The following SCNN1G variants were observed in gnomAD, a reference collection of about 807,000 sequenced individuals.
SCNN1G encodes sodium channel epithelial 1 subunit gamma, also known as epithelial sodium channel subunit gamma.
SCNN1G carries 27 observed loss-of-function variants against 64.6 expected under a neutral mutation model. That is an observed-to-expected ratio of 0.42 (90% CI 0.31 to 0.58). SCNN1G has a LOEUF of 0.58. Ranked by LOEUF, SCNN1G falls within the 20% of genes least tolerant of loss-of-function variation. The probability of loss-of-function intolerance (pLI) is 0.18; values close to 1 mark genes in which losing one functional copy is unlikely to be tolerated. For missense variants in SCNN1G, 743 were observed against 823.4 expected, an observed-to-expected ratio of 0.90 and a Z score of 1.19; for synonymous variants, 330 against 314.2, an observed-to-expected ratio of 1.05 and a Z score of -0.53.
intron 11 of SCNN1G, 29 bp downstream of exon 11, chr16:23,213,192 C>T: frequency 6.5e-7 from 1 of 1,541,538 alleles, no homozygotes; most frequent in Non-Finnish European, 9.0e-7. Flanking sequence ...GTTCCTCTGT[C>T]TCTTCCCACC....
chr16:23,183,945 A>G (rs980477884), intron 1 of SCNN1G, among the ~76,000 whole-genome samples: 1 of 152,142 alleles, frequency 6.6e-6, no homozygotes, highest in Non-Finnish European at 1.5e-5. Flanking sequence ...TTTCATTTGT[A>G]CAATGGAGGT....
In SCNN1G at chr16:23,189,457, G is replaced by T. The variant is rs775500246; in HGVS notation, c.404G>T (p.Arg135Leu). Residue 135 changes from arginine (R) to leucine (L), a missense_variant, in exon 3 of 13, where the codon CGG becomes CTG. Physicochemically the swap from Arg to Leu is moderately radical, Grantham distance 102 (BLOSUM62 -2). Coordinates refer to ENST00000300061, the MANE Select transcript of SCNN1G (RefSeq NM_001039.4). ...LKSLYGFPES[R>L]KRREAESWNS... The stretch of plus-strand genomic sequence containing the variant: ...TCCCTGTATGGCTTTCCAGAGTCCC[G>T]GAAGCGCCGAGAGGCGGAGTCCTGG... The T allele has an allele frequency of 6.2e-7, 1 of 1,614,150 alleles. No individual in the cohort carries two copies. Among genetic ancestry groups the T allele is most frequent in the South Asian group, 1.1e-5 (1 of 91,080 alleles).
chr16:23,190,134 C>T (rs113671684), intron 3 of SCNN1G, among the ~76,000 whole-genome samples: 3,072 of 151,696 alleles, frequency 0.02, 62 homozygotes, highest in African/African-American at 0.051. Flanking sequence ...CTAATGCATG[C>T]GGGGCTTAAA....
chr16:23,208,361 CA>C (rs1296093317), intron 6 of SCNN1G, among the ~76,000 whole-genome samples: 2 of 151,428 alleles, frequency 1.3e-5, no homozygotes, highest in African/African-American at 2.4e-5. Context: ...AAAAAAAAAG[CA>C]AAAAAAATTA....
At chr16:23,193,000 C>A (rs1319870156) in intron 4 of SCNN1G, among the ~76,000 whole-genome samples, 1 of 130,822 alleles carries the variant, frequency 7.6e-6, no homozygotes, top group Admixed American at 8.9e-5. Context: ...ACCCGGGAGG[C>A]GGAGGTTGCA....
intron 6 of SCNN1G, among the ~76,000 whole-genome samples, chr16:23,202,426 C>T (rs1959907970): frequency 6.6e-6 from 1 of 152,008 alleles, no homozygotes; most frequent in African/African-American, 2.4e-5. Flanking sequence ...ACAGAAGCTA[C>T]TGGAGAAGGC....
chr16:23,186,428 C>G lies in SCNN1G; in HGVS notation c.157C>G (p.Arg53Gly). ...RIVVSRGRLR[R>G]LLWIGFTLTA... is the part of the protein sequence containing the mutation. ...CGTGGTGTCCCGCGGCCGTCTGCGC[C>G]GCCTCCTCTGGATCGGGTTCACACT... The change falls in exon 2 of 13, where the codon CGC (arginine) becomes GGC (glycine). Residue 53 changes from arginine (R) to glycine (G), a missense_variant. Arg to Gly is a moderately radical substitution (Grantham distance 125). Coordinates refer to ENST00000300061, the MANE Select transcript of SCNN1G (RefSeq NM_001039.4). 1 of 1,614,226 alleles carries G rather than the reference C, an allele frequency of 6.2e-7. No homozygotes were observed. Among genetic ancestry groups the G allele is most frequent in the Non-Finnish European group, 8.5e-7 (1 of 1,180,050 alleles).
intron 2 of SCNN1G, among the ~76,000 whole-genome samples, chr16:23,187,505 C>T (rs574709125): frequency 5.9e-5 from 9 of 152,104 alleles, no homozygotes; most frequent in Admixed American, 1.3e-4. Flanking sequence ...CGAACTAACC[C>T]CCTCTGCACA....
At chr16:23,202,869 G>A (rs546668464) in intron 6 of SCNN1G, among the ~76,000 whole-genome samples, 6 of 152,294 alleles carry the variant, frequency 3.9e-5, no homozygotes, top group Non-Finnish European at 5.9e-5. Flanking sequence ...TGACCACTTC[G>A]ATTTGGGACA....
chr16:23,206,135 C>G (rs1249708501), intron 6 of SCNN1G, among the ~76,000 whole-genome samples: 1 of 139,496 alleles, frequency 7.2e-6, no homozygotes, highest in African/African-American at 2.6e-5. Flanking sequence ...ACAGAATTTG[C>G]AAACCTCTAA....
intron 6 of SCNN1G, among the ~76,000 whole-genome samples, chr16:23,205,001 C>T (rs1409779676): frequency 2.0e-5 from 3 of 152,156 alleles, no homozygotes. Context: ...TTAGTAGAGA[C>T]GGGGTTTCGC....
At position 23,194,255 on chromosome 16, in the gene SCNN1G, C is replaced by A. The variant is rs1267519117; in HGVS notation, c.894C>A (p.Ser298=). Residue 298 remains serine, a synonymous_variant, in exon 5 of 13, where the codon TCC becomes TCA. Transcript: ENST00000300061. ...AAAATGAGACCATTCTCAGCACCTCCATGGGGGGCAGCGAATATGGTAAGG... is the reference window on the plus strand; with the variant it reads ...AAAATGAGACCATTCTCAGCACCTCAATGGGGGGCAGCGAATATGGTAAGG... ...NRENETILST[S]MGGSEYGLQV... 6.2e-7 allele frequency: 1 copy of A among 1,611,070 alleles called. No homozygotes were observed. The highest frequency in any genetic ancestry group is 8.5e-7 in the Non-Finnish European group (1 of 1,177,260).
chr16:23,207,385 T>C (rs913251533), intron 6 of SCNN1G, among the ~76,000 whole-genome samples: 1 of 152,190 alleles, frequency 6.6e-6, no homozygotes, highest in Non-Finnish European at 1.5e-5. Flanking sequence ...TGCCCAGGGA[T>C]CCTGCTGCTT....
chr16:23,209,671 C>A, intron 6 of SCNN1G, 79 bp from the exon 7 acceptor site: 1 of 1,030,558 alleles, frequency 9.7e-7, no homozygotes, highest in Non-Finnish European at 1.5e-6. Flanking sequence ...TGCAAAGTCC[C>A]CTGTCTGGTG....
chr16:23,211,003 A>C (rs1475873693), intron 7 of SCNN1G, among the ~76,000 whole-genome samples: 2 of 152,144 alleles, frequency 1.3e-5, no homozygotes, highest in Non-Finnish European at 2.9e-5. Context: ...ACACCACTGT[A>C]CTTCAGCCTG....
intron 1 of SCNN1G, among the ~76,000 whole-genome samples, chr16:23,185,122 A>C (rs1452434003): frequency 2.0e-5 from 3 of 152,178 alleles, no homozygotes; most frequent in Non-Finnish European, 4.4e-5. Context: ...GCAGGGTTCC[A>C]TCCAGCTCCT....
chr16:23,204,693 T>C (rs1030802107), intron 6 of SCNN1G, among the ~76,000 whole-genome samples: 2 of 152,036 alleles, frequency 1.3e-5, no homozygotes, highest in African/African-American at 4.8e-5. Flanking sequence ...GTTTACATAG[T>C]CAAAGTCTTT....
Position 23,183,836 on chromosome 16 carries a change from G to T in SCNN1G, c.-45+1023G>T, listed in dbSNP as rs117965680. Among the ~76,000 whole-genome samples the T allele has an allele frequency of 9.5e-3, 1,451 of 152,264 alleles. 12 individuals are homozygous for T. The highest frequency in any genetic ancestry group is 0.017 in the African/African-American group (711 of 41,540). ...TGTTATTATTATTAATGATTGAAGAGCAGCCTAGTTAGTCGTTAAAGGGAC... is the reference window on the plus strand; with the variant it reads ...TGTTATTATTATTAATGATTGAAGATCAGCCTAGTTAGTCGTTAAAGGGAC... On this transcript the variant is annotated intron_variant, in intron 1 of 12. Transcript: ENST00000300061.
chr16:23,214,216 G>A (rs1162268543), intron 11 of SCNN1G, among the ~76,000 whole-genome samples: 1 of 152,222 alleles, frequency 6.6e-6, no homozygotes, highest in African/African-American at 2.4e-5. Flanking sequence ...AAATGAGGAT[G>A]ATGAAAATAT....
Sources: gnomAD v4.1 joint callset for allele counts (sites outside exome capture counted in the v4.1 genomes callset) on GRCh38, gnomAD v4.1.1 for gene constraint, MANE v1.5 for transcripts, NCBI Gene and HGNC (gene_info 2026-07-23, HGNC 2026-07-21) for gene names.